The following ATP13A3 variants were observed in gnomAD, a reference collection of about 807,000 sequenced individuals.
ATP13A3 encodes polyamine-transporting ATPase 13A3.
ATP13A3 carries 59 observed loss-of-function variants against 158.1 expected under a neutral mutation model. The ratio of observed to expected loss-of-function variants is 0.37; its 90% CI spans 0.30 to 0.46. ATP13A3 has a LOEUF of 0.46. Ranked by LOEUF, ATP13A3 falls within the 20% of genes least tolerant of loss-of-function variation. ATP13A3 has a pLI of 1.00. For missense variants in ATP13A3, 1,166 were observed against 1,525.2 expected, an observed-to-expected ratio of 0.76 and a Z score of 3.92; for synonymous variants, 491 against 504.3, an observed-to-expected ratio of 0.97 and a Z score of 0.35.
Position 194,494,075 on chromosome 3 carries a change from C to G in ATP13A3, n.721G>C. On this transcript the variant is annotated non_coding_transcript_exon_variant, in exon 2 of 33. Transcript: ENST00000687055. The surrounding 1 kb of genome is among the most constrained non-coding windows in gnomAD (Gnocchi z 4.2). The stretch of plus-strand genomic sequence containing the variant: ...CCGAAAGCACAGCCAGGATTCAAAC[C>G]CAGACACTTTGCTCCAGGGCCAAAC... 1 of 398,310 alleles carries G rather than the reference C, an allele frequency of 2.5e-6. No individual in the cohort carries two copies. Among genetic ancestry groups the G allele is most frequent in the Non-Finnish European group, 4.4e-6 (1 of 225,996 alleles). 24.7% of individuals were successfully genotyped at this position (398,310 alleles called of 1,614,324 possible).
intron 14 of ATP13A3, among the ~76,000 whole-genome samples, chr3:194,446,197 C>T (rs890289249): frequency 6.6e-5 from 10 of 152,204 alleles, no homozygotes; most frequent in Non-Finnish European, 1.2e-4. Context: ...TCCTCAAATA[C>T]GATTGTTTTG....
Position 194,459,961 on chromosome 3 carries a change from T to C in ATP13A3, c.236A>G (p.Lys79Arg). 1.2e-6 allele frequency: 2 copies of C among 1,612,316 alleles called. No individual in the cohort carries two copies. Among genetic ancestry groups the C allele is most frequent in the Non-Finnish European group, 1.7e-6 (2 of 1,178,948 alleles). The change falls in exon 5 of 34, where the codon AAA becomes AGA. Residue 79 changes from lysine to arginine, a missense_variant. Around this residue, in one of 3 missense-constraint regions of ATP13A3, gnomAD observed 104 missense variants for 91.7 expected, o/e 1.13. Coordinates refer to ENST00000645319, the MANE Select transcript of ATP13A3 (RefSeq NM_001367549.1). ...VVLLRTTDEF[K>R]MWFCAKIRVL... ...GCGAATTTTTGCACAAAACCACATT[T>C]TGAATTCATCCTTAAAGAGAGAAAG...
chr3:194,426,807 A>G (rs1716809539), intron 29 of ATP13A3, among the ~76,000 whole-genome samples: 1 of 152,064 alleles, frequency 6.6e-6, no homozygotes, highest in African/African-American at 2.4e-5. Context: ...GATTACAGAA[A>G]GGCACCACCA....
chr3:194,448,589 C>A lies in ATP13A3; in HGVS notation c.1018G>T (p.Asp340Tyr), dbSNP rs764935482. ...TKTNLPNPSVDVKGIGDELYN... is the reference protein window; with the variant it reads ...TKTNLPNPSVYVKGIGDELYN... ...AATTCATCTCCTATTCCTTTCACAT[C>A]CACTGAAGGATTTGGCAAATTAGTC... The change falls in exon 12 of 34, where the codon GAT (aspartate) becomes TAT (tyrosine). Residue 340 changes from aspartate to tyrosine, a missense_variant. By Grantham distance (160) the Asp-to-Tyr change is radical. Around this residue, in one of 3 missense-constraint regions of ATP13A3, gnomAD observed 997 missense variants for 1,341.2 expected, o/e 0.74. Coordinates refer to ENST00000645319, the MANE Select transcript of ATP13A3 (RefSeq NM_001367549.1). The surrounding 1 kb of genome is among the most constrained non-coding windows in gnomAD (Gnocchi z 4.0). The A allele has an allele frequency of 6.2e-7, 1 of 1,613,638 alleles. No individual in the cohort carries two copies. Among genetic ancestry groups the A allele is most frequent in the Admixed American group, 1.7e-5 (1 of 59,966 alleles).
rs746199048 is a variant in ATP13A3 at position 194,437,274 on chromosome 3, T to C, written c.1999+37A>G. ...AGTTGCTAATACAAGTTTACTCAAATACCAGAATTGTACCCAAAGCATAGA... is the reference window on the plus strand; with the variant it reads ...AGTTGCTAATACAAGTTTACTCAAACACCAGAATTGTACCCAAAGCATAGA... On this transcript the variant is annotated intron_variant, in intron 19 of 33. Coordinates refer to ENST00000645319, the MANE Select transcript of ATP13A3 (RefSeq NM_001367549.1). 40 of 1,613,870 alleles carry C rather than the reference T, an allele frequency of 2.5e-5. No homozygotes were observed. The Admixed American group carries it at 6.5e-4, about 26-fold the overall frequency.
chr3:194,437,423 A>G lies in ATP13A3; in HGVS notation c.1887T>C (p.Ser629=). The G allele has an allele frequency of 6.2e-7, 1 of 1,614,224 alleles. No homozygotes were observed. Among genetic ancestry groups the G allele is most frequent in the African/African-American group, 1.3e-5 (1 of 75,054 alleles). The change falls in exon 19 of 34, where the codon TCT becomes TCC. Residue 629 remains serine (S), a synonymous_variant. Coordinates refer to ENST00000645319, the MANE Select transcript of ATP13A3 (RefSeq NM_001367549.1). Reference sequence around the variant, plus strand: ...CCACACTCATACGTTGCAAAGCAGAAGAAAATGGGAACTGGCGAACAATTC... The same window carrying G: ...CCACACTCATACGTTGCAAAGCAGAGGAAAATGGGAACTGGCGAACAATTC... ...EIGIVRQFPF[S]SALQRMSVVA...
At chr3:194,423,508 AC>A (rs1167713187) in intron 30 of ATP13A3, among the ~76,000 whole-genome samples, 8 of 152,318 alleles carry the variant, frequency 5.3e-5, no homozygotes, top group African/African-American at 1.9e-4. Context: ...AGAGGTGAAA[AC>A]TGGCAGAATG....
intron 6 of ATP13A3, 88 bp from the exon 7 acceptor site, chr3:194,457,262 A>G: frequency 1.0e-6 from 1 of 956,386 alleles, no homozygotes; most frequent in Non-Finnish European, 1.6e-6. Flanking sequence ...CTGATTTTAT[A>G]AAGGTGTGAC....
In ATP13A3 at chr3:194,455,884, T is replaced by TAAGTTATATACAATA; in HGVS notation, c.630+8_630+9insTATTGTATATAACTT. On this transcript the variant is annotated intron_variant, in intron 8 of 33. Transcript: ENST00000645319. ...TGACTGTTAAGTTATATACAATCAA[T>TAAGTTATATACAATA]AGTCTTACCTCTTTAATTAGAAGCT... The TAAGTTATATACAATA allele has an allele frequency of 6.8e-7, 1 of 1,465,270 alleles. No homozygotes were observed. Among genetic ancestry groups the TAAGTTATATACAATA allele is most frequent in the African/African-American group, 1.4e-5 (1 of 69,966 alleles). 90.8% of individuals were successfully genotyped at this position (1,465,270 alleles called of 1,614,324 possible).
At chr3:194,487,882 G>C (rs1475311458), upstream of ATP13A3, 1 of 152,426 alleles carries the variant, frequency 6.6e-6, no homozygotes, top group Non-Finnish European at 1.5e-5. Context: ...TCTTAGAGAA[G>C]AGGACGGCAT....
intron 2 of ATP13A3, among the ~76,000 whole-genome samples, chr3:194,480,088 G>A (rs113829643): frequency 6.6e-6 from 1 of 152,218 alleles, no homozygotes; most frequent in African/African-American, 2.4e-5. Flanking sequence ...CATCTGACTT[G>A]TTTTGAATAT....
chr3:194,415,490 T>C lies in ATP13A3; in HGVS notation c.3403-1651A>G, dbSNP rs370829860. Among the ~76,000 whole-genome samples the C allele has an allele frequency of 7.2e-5, 11 of 152,282 alleles. No individual in the cohort carries two copies. The South Asian group carries it at 2.1e-3, about 29-fold the overall frequency. On this transcript the variant is annotated intron_variant, in intron 31 of 33. Transcript: ENST00000645319. ...TGAAATATGCAGGGAAACAGACATA[T>C]ACTGCTGGTAAGACTACAACCTGGA...
At chr3:194,450,101 T>TA (rs776112796) in intron 11 of ATP13A3, 44 bp downstream of exon 11, 21 of 1,594,090 alleles carry the variant, frequency 1.3e-5, no homozygotes, top group Non-Finnish European at 1.6e-5. Context: ...TTAGTCATGA[T>TA]ATATCATGAA....
intron 5 of ATP13A3, 86 bp downstream of exon 5, chr3:194,459,702 CA>C: frequency 1.4e-6 from 2 of 1,415,702 alleles, no homozygotes; most frequent in Non-Finnish European, 1.9e-6. Context: ...GCATTAACTG[CA>C]AACACAAAAT....
chr3:194,427,635 C>CAATAAATA (rs72338242), intron 28 of ATP13A3, among the ~76,000 whole-genome samples: 79 of 137,242 alleles, frequency 5.8e-4, no homozygotes, highest in Middle Eastern at 3.7e-3. Flanking sequence ...CCCATCTCTA[C>CAATAAATA]AATAAATAAA....
At chr3:194,445,927 A>G (rs1490792979) in intron 14 of ATP13A3, among the ~76,000 whole-genome samples, 1 of 152,238 alleles carries the variant, frequency 6.6e-6, no homozygotes, top group Non-Finnish European at 1.5e-5. Flanking sequence ...AGTGACCTTC[A>G]TAATTCTTAA....
At chr3:194,423,580 T>C (rs563151676) in intron 30 of ATP13A3, among the ~76,000 whole-genome samples, 118 of 152,362 alleles carry the variant, frequency 7.7e-4, no homozygotes, top group African/African-American at 2.5e-3. Context: ...CAACAGCAAG[T>C]GCTTCTGTTT....
At chr3:194,433,684 T>C (rs1717414498) in intron 21 of ATP13A3, 88 bp downstream of exon 21, 6 of 1,509,078 alleles carry the variant, frequency 4.0e-6, no homozygotes, top group South Asian at 1.2e-5. Context: ...CTATATAATA[T>C]GATTTTATAA....
intron 2 of ATP13A3, among the ~76,000 whole-genome samples, chr3:194,477,267 A>G (rs150242429): frequency 6.6e-6 from 1 of 152,294 alleles, no homozygotes; most frequent in African/African-American, 2.4e-5. Context: ...TGCAGGTATC[A>G]GAGCACTTTT....
Sources: gnomAD v4.1 joint callset for allele counts (sites outside exome capture counted in the v4.1 genomes callset) on GRCh38, gnomAD v4.1.1 for gene constraint, gnomAD v4.1.1 regional missense constraint, Gnocchi (gnomAD v3.1) non-coding constraint, MANE v1.5 for transcripts, NCBI Gene and HGNC (gene_info 2026-07-23, HGNC 2026-07-21) for gene names.